Variants in ASGR1 observed in about 807,000 individuals in gnomAD.
ASGR1 encodes the protein asialoglycoprotein receptor 1, also known as C-type lectin domain family 4 member H1.
A neutral mutation model predicts 33.1 loss-of-function variants in ASGR1; 35 were observed. That is an observed-to-expected ratio of 1.06 (90% CI 0.81 to 1.40). The LOEUF (loss-of-function observed/expected upper bound fraction) is 1.40. Among genes scored for constraint, ASGR1 ranks in the 40% most tolerant of loss-of-function variants. The pLI is 0.00. For missense variants in ASGR1, 396 were observed against 373.7 expected, an observed-to-expected ratio of 1.06 and a Z score of -0.49; for synonymous variants, 142 against 152.5, an observed-to-expected ratio of 0.93 and a Z score of 0.51.
chr17:7,177,351 G>A, intron 2 of ASGR1, 25 bp from the exon 3 acceptor site: 2 of 1,600,914 alleles, frequency 1.2e-6, no homozygotes, highest in East Asian at 4.5e-5. Context: ...GGTGTCAGGA[G>A]CGCGGGGACA....
chr17:7,176,944 C>T (rs2069224680), intron 4 of ASGR1, 37 bp downstream of exon 4: 1 of 1,580,030 alleles, frequency 6.3e-7, no homozygotes, highest in Non-Finnish European at 8.6e-7. Context: ...GCCCCCCAGC[C>T]CCAGCCCCAG....
At chr17:7,175,549 TCA>T (rs1567792866) in intron 5 of ASGR1, among the ~76,000 whole-genome samples, 4 of 151,394 alleles carry the variant, frequency 2.6e-5, no homozygotes, top group African/African-American at 9.7e-5. Context: ...CAATGCACAT[TCA>T]CACAACACGC....
At position 7,174,268 on chromosome 17, in the gene ASGR1, G is replaced by A. The variant is rs139511614; in HGVS notation, c.464C>T (p.Pro155Leu). ...QGNGSERTCC[P>L]VNWVEHERSC... Reference sequence around the variant, plus strand: ...GCGCTCGTGCTCCACCCAGTTGACCGGGCAGCAGGTCCTTTCTGAGCCTGA... The same window carrying A: ...GCGCTCGTGCTCCACCCAGTTGACCAGGCAGCAGGTCCTTTCTGAGCCTGA... The change falls in exon 7 of 9, where the codon CCG (proline) becomes CTG (leucine). Residue 155 changes from proline to leucine, a missense_variant. By Grantham distance (98) the Pro-to-Leu change is moderately conservative. Coordinates refer to ENST00000269299, the MANE Select transcript of ASGR1 (RefSeq NM_001671.5). The A allele has an allele frequency of 5.8e-5, 94 of 1,613,942 alleles. No homozygotes were observed. Among genetic ancestry groups the A allele is most frequent in the Non-Finnish European group, 7.1e-5 (84 of 1,179,958 alleles).
In ASGR1 at chr17:7,174,305, G is replaced by A. The variant is rs200527750; in HGVS notation, c.443-16C>T. On this transcript the variant is annotated splice_polypyrimidine_tract_variant and intron_variant, in intron 6 of 8. Coordinates refer to ENST00000269299, the MANE Select transcript of ASGR1 (RefSeq NM_001671.5). ...CTTTCTGAGCCTGAGCGGGAGAAACGGGGCGCAGGGGCTAAGCGCTGCCCA... is the reference window on the plus strand; with the variant it reads ...CTTTCTGAGCCTGAGCGGGAGAAACAGGGCGCAGGGGCTAAGCGCTGCCCA... 3.1e-6 allele frequency: 5 copies of A among 1,613,594 alleles called. No homozygotes were observed. The highest frequency in any genetic ancestry group is 4.5e-5 in the East Asian group (2 of 44,878).
intron 5 of ASGR1, among the ~76,000 whole-genome samples, chr17:7,174,784 C>T (rs1485165946): frequency 6.6e-6 from 1 of 151,096 alleles, no homozygotes; most frequent in African/African-American, 2.4e-5. Flanking sequence ...ATACAACACA[C>T]CCTAACCCAC....
chr17:7,176,357 C>A (rs918820463), intron 5 of ASGR1, among the ~76,000 whole-genome samples: 10 of 150,456 alleles, frequency 6.6e-5, no homozygotes, highest in African/African-American at 2.2e-4. Flanking sequence ...CTCACAGACA[C>A]ACACACCCCA....
At chr17:7,177,104 A>T in intron 3 of ASGR1, 28 bp from the exon 4 acceptor site, 1 of 1,613,674 alleles carries the variant, frequency 6.2e-7, no homozygotes, top group Non-Finnish European at 8.5e-7. Context: ...CAGAGAGAAG[A>T]AAACGGGATC....
At chr17:7,176,791 TTC>T in intron 5 of ASGR1, 37 bp downstream of exon 5, 1 of 1,483,008 alleles carries the variant, frequency 6.7e-7, no homozygotes, top group Non-Finnish European at 9.0e-7. Context: ...CTCACTCTCT[TTC>T]ACACACACAC....
chr17:7,176,614 A>C, intron 5 of ASGR1: 1 of 630,322 alleles, frequency 1.6e-6, no homozygotes, highest in Admixed American at 2.8e-5. Flanking sequence ...TCACACTCAC[A>C]GACATACACA....
chr17:7,178,169 A>G (rs1365557590), intron 2 of ASGR1: 4 of 367,712 alleles, frequency 1.1e-5, no homozygotes, highest in African/African-American at 8.1e-5. Context: ...TTGGAAGGGG[A>G]AAGGAAGAGG....
chr17:7,175,114 CACA>C (rs1046362170), intron 5 of ASGR1, among the ~76,000 whole-genome samples: 8 of 150,020 alleles, frequency 5.3e-5, no homozygotes, highest in Non-Finnish European at 5.9e-5. Flanking sequence ...CACACAAACA[CACA>C]ACACACCCTA....
chr17:7,176,527 C>CAACA, intron 5 of ASGR1: 1 of 414,954 alleles, frequency 2.4e-6, no homozygotes, highest in South Asian at 2.4e-5. Context: ...CCTCTCATTC[C>CAACA]CACACACACA....
intron 5 of ASGR1, among the ~76,000 whole-genome samples, chr17:7,175,828 G>GTC (rs2069194055): frequency 7.5e-6 from 1 of 132,720 alleles, no homozygotes; most frequent in African/African-American, 2.9e-5. Flanking sequence ...CACACACTCA[G>GTC]ACACACACAC....
chr17:7,177,377 C>T (rs376752057), intron 2 of ASGR1, 51 bp from the exon 3 acceptor site: 44 of 1,489,204 alleles, frequency 3.0e-5, no homozygotes, highest in Non-Finnish European at 4.0e-5. Flanking sequence ...GACCCTGGCA[C>T]AGCTCCAGGG....
chr17:7,174,797 ACAC>A (rs2069176247), intron 5 of ASGR1, among the ~76,000 whole-genome samples: 1 of 151,318 alleles, frequency 6.6e-6, no homozygotes, highest in South Asian at 2.1e-4. Flanking sequence ...TAACCCACAG[ACAC>A]AAACGCAGAC....
rs1384108600 is a variant in ASGR1, at chr17:7,178,722, TTCTTTTTTTTC to T, written c.-25-145_-25-135del. The T allele has an allele frequency of 1.8e-5, 9 of 501,344 alleles. No homozygotes were observed. In the Admixed American group the frequency reaches 3.3e-4, roughly 19 times the overall value. The allele number at this position is 501,344 out of a possible 1,614,324, so 31.1% of individuals were successfully genotyped here. ...CCTTTCTTCTTTCTTTCTTTTCTTTTTCTTTTTTTTCTTTTCTTTTTTTTTTTTTTTTTGAG... is the reference window on the plus strand; with the variant it reads ...CCTTTCTTCTTTCTTTCTTTTCTTTTTTTTCTTTTTTTTTTTTTTTTTGAG... On this transcript the variant is annotated intron_variant, in intron 1 of 8. Transcript: ENST00000269299.
chr17:7,176,932 C>A, intron 4 of ASGR1, 31 bp from the exon 5 acceptor site: 1 of 1,609,814 alleles, frequency 6.2e-7, no homozygotes. Flanking sequence ...GCGTTCCCGA[C>A]AGCCCCCCAG....
intron 5 of ASGR1, among the ~76,000 whole-genome samples, chr17:7,175,296 TACACACACAACACACCTTCACCCACG>T (rs374528462): frequency 0.037 from 4,459 of 120,902 alleles, 232 homozygotes; most frequent in African/African-American, 0.13. Context: ...CTACAGTCAC[TACACACACAACACACCTTCACCCACG>T]ACACACACAA....
intron 5 of ASGR1, among the ~76,000 whole-genome samples, chr17:7,176,023 C>T (rs1415712728): frequency 7.6e-6 from 1 of 131,596 alleles, no homozygotes; most frequent in East Asian, 2.1e-4. Context: ...GACTCACACT[C>T]GTACACACAC....
Sources: gnomAD v4.1 joint callset for allele counts (sites outside exome capture counted in the v4.1 genomes callset) on GRCh38, gnomAD v4.1.1 for gene constraint, MANE v1.5 for transcripts, NCBI Gene and HGNC (gene_info 2026-07-23, HGNC 2026-07-21) for gene names.